FKBP6: variants seen among roughly 807,000 people sequenced by gnomAD.
FKBP6 encodes FKBP prolyl isomerase family member 6 (inactive), also known as inactive peptidyl-prolyl cis-trans isomerase FKBP6.
A neutral mutation model predicts 41.7 loss-of-function variants in FKBP6; 29 were observed. The ratio of observed to expected loss-of-function variants is 0.70; its 90% confidence interval spans 0.52 to 0.95. The LOEUF is 0.95. Ranked by LOEUF, FKBP6 falls within the 40% of genes least tolerant of loss-of-function variation. The pLI is 0.00. For synonymous variants in FKBP6, 130 were observed against 165.1 expected, an observed-to-expected ratio of 0.79 and a Z score of 1.63; for missense variants, 338 against 408.7, an observed-to-expected ratio of 0.83 and a Z score of 1.49.
intron 8 of FKBP6, among the ~76,000 whole-genome samples, chr7:73,343,107 T>G (rs1208001005): frequency 6.6e-6 from 1 of 152,178 alleles, no homozygotes; most frequent in Non-Finnish European, 1.5e-5. Context: ...CCCAGACCTG[T>G]GGGTTAAATG....
At chr7:73,352,952 G>A (rs1364308110) in intron 8 of FKBP6, among the ~76,000 whole-genome samples, 5 of 152,116 alleles carry the variant, frequency 3.3e-5, no homozygotes, top group Non-Finnish European at 5.9e-5. Flanking sequence ...CCATGAATGC[G>A]AGCAAATCTG....
At chr7:73,353,796 C>T (rs1218590815) in intron 8 of FKBP6, among the ~76,000 whole-genome samples, 1 of 151,434 alleles carries the variant, frequency 6.6e-6, no homozygotes, top group East Asian at 1.9e-4. Flanking sequence ...CACAGTGGCA[C>T]GACCTCAGCT....
intron 8 of FKBP6, among the ~76,000 whole-genome samples, chr7:73,355,498 C>A (rs1375166163): frequency 1.3e-5 from 2 of 152,108 alleles, no homozygotes; most frequent in African/African-American, 2.4e-5. Context: ...TGATCTCCCC[C>A]CATCTGCATT....
At chr7:73,334,112 A>C (rs1032274554) in intron 5 of FKBP6, among the ~76,000 whole-genome samples, 1 of 152,158 alleles carries the variant, frequency 6.6e-6, no homozygotes, top group Non-Finnish European at 1.5e-5. Flanking sequence ...CAAAGCTAAC[A>C]ACAACAACAA....
intron 7 of FKBP6, 34 bp from the exon 8 acceptor site, chr7:73,342,773 A>T (rs782107585): frequency 6.9e-7 from 1 of 1,441,642 alleles, no homozygotes; most frequent in South Asian, 1.1e-5. Flanking sequence ...CCAAACACAG[A>T]CCTCCTCTAA....
At chr7:73,329,743 A>G (rs1273181054) in intron 3 of FKBP6, 1 of 546,104 alleles carries the variant, frequency 1.8e-6, no homozygotes, top group Non-Finnish European at 3.3e-6. Context: ...TACATGGTGA[A>G]AAGAGAGGAT....
intron 8 of FKBP6, among the ~76,000 whole-genome samples, chr7:73,349,143 CTCACGCCTGTAA>C (rs1374470974): frequency 6.6e-6 from 1 of 152,112 alleles, no homozygotes; most frequent in East Asian, 1.9e-4. Context: ...GGTAGGGTGG[CTCACGCCTGTAA>C]TCCCAGCACT....
intron 4 of FKBP6, among the ~76,000 whole-genome samples, chr7:73,331,033 A>C (rs1361264696): frequency 6.6e-6 from 1 of 152,246 alleles, no homozygotes; most frequent in Non-Finnish European, 1.5e-5. Flanking sequence ...TCAGCACTCC[A>C]AGTGAGGGAG....
intron 8 of FKBP6, among the ~76,000 whole-genome samples, chr7:73,356,681 G>C (rs1353551670): frequency 6.6e-6 from 1 of 152,184 alleles, no homozygotes; most frequent in Non-Finnish European, 1.5e-5. Flanking sequence ...TGATAACTCT[G>C]TCATTAATTC....
chr7:73,354,609 G>C (rs1403168598), intron 8 of FKBP6, among the ~76,000 whole-genome samples: 2 of 152,218 alleles, frequency 1.3e-5, no homozygotes, highest in South Asian at 2.1e-4. Flanking sequence ...ATCCAGATTA[G>C]GTTCTTAAGA....
At chr7:73,352,244 A>C (rs1554551219) in intron 8 of FKBP6, among the ~76,000 whole-genome samples, 1 of 152,224 alleles carries the variant, frequency 6.6e-6, no homozygotes, top group African/African-American at 2.4e-5. Context: ...GATTATAGGC[A>C]TGAGCCACCG....
chr7:73,340,668 C>T lies in FKBP6; in HGVS notation c.619C>T (p.Pro207Ser). The change falls in exon 6 of 9, where the codon CCC becomes TCC. Residue 207 changes from proline to serine, a missense_variant. By Grantham distance (74) the Pro-to-Ser change is moderately conservative. Coordinates refer to ENST00000252037, the MANE Select transcript of FKBP6 (RefSeq NM_003602.5). ...ALLLLRRRSA[P>S]PEEQHLVEAA... is the part of the protein sequence containing the mutation. ...ATTGCTTCTGCGCCGGCGATCAGCA[C>T]CCCCTGAAGAGCAGCACCTGGTGGA... is the stretch of plus-strand genomic sequence containing the variant. 6.2e-7 allele frequency: 1 copy of T among 1,613,568 alleles called. No individual in the cohort carries two copies. The highest frequency in any genetic ancestry group is 1.3e-5 in the African/African-American group (1 of 74,980).
At chr7:73,355,515 T>G (rs893366334) in intron 8 of FKBP6, among the ~76,000 whole-genome samples, 1 of 152,140 alleles carries the variant, frequency 6.6e-6, no homozygotes, top group Non-Finnish European at 1.5e-5. Flanking sequence ...CATTCATGCC[T>G]GGAGAATATT....
intron 8 of FKBP6, among the ~76,000 whole-genome samples, chr7:73,357,269 G>GTTTTTTTTT (rs11430645): frequency 1.0e-5 from 1 of 96,818 alleles, no homozygotes; most frequent in African/African-American, 4.1e-5. Flanking sequence ...GTTTGGTTTG[G>GTTTTTTTTT]TTTTTTTTTT....
intron 8 of FKBP6, among the ~76,000 whole-genome samples, chr7:73,352,527 T>C (rs530267001): frequency 6.6e-6 from 1 of 152,328 alleles, no homozygotes; most frequent in Non-Finnish European, 1.5e-5. Context: ...CCAGCTTTGC[T>C]GGCTGACCCC....
rs781812906 is a variant in FKBP6, at chr7:73,330,329, G to C, written c.445G>C (p.Asp149His). The part of the protein sequence containing the change: ...LLDFLDCAES[D>H]KFCALSAEQQ... Reference sequence around the variant, plus strand: ...TGACTTCCTGGACTGTGCTGAGTCAGACAAGTTTTGTGCTCTCTCAGCTGT... The same window carrying C: ...TGACTTCCTGGACTGTGCTGAGTCACACAAGTTTTGTGCTCTCTCAGCTGT... The change falls in exon 4 of 9, where the codon GAC (aspartate) becomes CAC (histidine). Residue 149 changes from aspartate (D) to histidine (H), a missense_variant. This residue lies in a region of FKBP6 where 239 missense variants were observed against 250.1 expected (regional missense o/e 0.96). Transcript: ENST00000252037. 2 of 1,614,020 alleles carry C rather than the reference G, an allele frequency of 1.2e-6. No homozygotes were observed. Among genetic ancestry groups the C allele is most frequent in the East Asian group, 4.5e-5 (2 of 44,880 alleles).
chr7:73,355,956 C>T (rs1039736620), intron 8 of FKBP6, among the ~76,000 whole-genome samples: 1 of 150,428 alleles, frequency 6.6e-6, no homozygotes, highest in African/African-American at 2.4e-5. Context: ...GTCCCAGCTT[C>T]TCGGGAGGCT....
intron 8 of FKBP6, among the ~76,000 whole-genome samples, chr7:73,357,848 C>G (rs1202018890): frequency 6.6e-6 from 1 of 151,770 alleles, no homozygotes; most frequent in Non-Finnish European, 1.5e-5. Context: ...AGTATCCAGG[C>G]GTGGTGGTGC....
chr7:73,339,145 T>A (rs1554549015), intron 5 of FKBP6: 1 of 152,252 alleles, frequency 6.6e-6, no homozygotes, highest in African/African-American at 2.4e-5. Context: ...ACAGGGGCCA[T>A]GCGATCTTCT....
Sources: allele counts gnomAD v4.1 joint callset (sites outside exome capture counted in the v4.1 genomes callset), GRCh38; gene constraint gnomAD v4.1.1; regional missense constraint gnomAD v4.1.1; transcripts MANE v1.5; gene names NCBI Gene and HGNC (gene_info 2026-07-23, HGNC 2026-07-21).